The following SPEF2 variants were observed in gnomAD, a reference collection of about 807,000 sequenced individuals.
SPEF2 encodes the protein sperm flagella and cilia-associated protein 2.
SPEF2 carries 187 observed loss-of-function variants against 224.6 expected under a neutral mutation model. The ratio of observed to expected loss-of-function variants is 0.83; its 90% CI spans 0.74 to 0.94. The LOEUF is 0.94. Ranked by LOEUF, SPEF2 falls within the 40% of genes least tolerant of loss-of-function variation. SPEF2 has a pLI of 0.00. For missense variants in SPEF2, 2,170 were observed against 2,135.6 expected, an observed-to-expected ratio of 1.02 and a Z score of -0.32; for synonymous variants, 715 against 707.3, an observed-to-expected ratio of 1.01 and a Z score of -0.17.
intron 29 of SPEF2, among the ~76,000 whole-genome samples, chr5:35,778,740 A>G (rs1753939580): frequency 6.6e-6 from 1 of 152,218 alleles, no homozygotes; most frequent in South Asian, 2.1e-4. Flanking sequence ...TTTACAGAGT[A>G]TTATGCCATA....
chr5:35,721,289 T>C (rs994943711), intron 20 of SPEF2, among the ~76,000 whole-genome samples: 1 of 152,232 alleles, frequency 6.6e-6, no homozygotes, highest in Non-Finnish European at 1.5e-5. Flanking sequence ...AACTGTTTAC[T>C]AAAACACACA....
chr5:35,772,746 A>G (rs1753047334), intron 27 of SPEF2, among the ~76,000 whole-genome samples: 1 of 152,194 alleles, frequency 6.6e-6, no homozygotes, highest in African/African-American at 2.4e-5. Context: ...CTTTAATGGA[A>G]TCACTGTTGG....
intron 30 of SPEF2, chr5:35,789,833 G>T: frequency 1.4e-6 from 1 of 702,952 alleles, no homozygotes; most frequent in Non-Finnish European, 2.6e-6. Flanking sequence ...CATCCTGACT[G>T]CACATTATGA....
At chr5:35,800,651 TC>T (rs965710573) in intron 34 of SPEF2, among the ~76,000 whole-genome samples, 2 of 152,112 alleles carry the variant, frequency 1.3e-5, no homozygotes, top group South Asian at 4.2e-4. Context: ...CACCTCACCT[TC>T]CCCTTGAGAT....
At chr5:35,772,780 A>G (rs1753053131) in intron 27 of SPEF2, among the ~76,000 whole-genome samples, 1 of 152,224 alleles carries the variant, frequency 6.6e-6, no homozygotes, top group Non-Finnish European at 1.5e-5. Context: ...AATTTTACAG[A>G]TGATAAAACA....
chr5:35,708,352 G>A (rs954694113), intron 18 of SPEF2, among the ~76,000 whole-genome samples: 3 of 151,550 alleles, frequency 2.0e-5, no homozygotes, highest in Non-Finnish European at 4.4e-5. Flanking sequence ...GCCCTTTACC[G>A]TCTTTTTACA....
intron 7 of SPEF2, among the ~76,000 whole-genome samples, chr5:35,655,217 T>C (rs1748801790): frequency 6.6e-6 from 1 of 152,200 alleles, no homozygotes; most frequent in Non-Finnish European, 1.5e-5. Flanking sequence ...ATACAGATTA[T>C]TGGGCCCCAC....
chr5:35,668,818 CT>C (rs1750866742), intron 9 of SPEF2, among the ~76,000 whole-genome samples: 1 of 151,790 alleles, frequency 6.6e-6, no homozygotes, highest in African/African-American at 2.4e-5. Context: ...ATGTGGACTA[CT>C]TTAGTGGGTT....
Position 35,733,058 on chromosome 5 carries a change from C to G in SPEF2, c.3063+5235C>G, listed in dbSNP as rs572786408. ...TGTGGGTCTGGGAACATATCCCCCC[C>G]TGACAAATGGAATTTCTGTAAGCAA... On this transcript the variant is annotated intron_variant, in intron 21 of 36. Coordinates refer to ENST00000356031, the MANE Select transcript of SPEF2 (RefSeq NM_024867.4). Among the ~76,000 whole-genome samples the G allele has an allele frequency of 5.3e-5, 8 of 152,202 alleles. No individual in the cohort carries two copies. The East Asian group carries it at 1.5e-3, about 29-fold the overall frequency.
chr5:35,785,740 T>C (rs568405112), intron 30 of SPEF2, among the ~76,000 whole-genome samples: 1 of 150,630 alleles, frequency 6.6e-6, no homozygotes, highest in African/African-American at 2.5e-5. Flanking sequence ...TTTTTTTTTT[T>C]GTAGAAATGA....
chr5:35,769,055 A>G (rs1752451388), intron 26 of SPEF2, among the ~76,000 whole-genome samples: 2 of 152,180 alleles, frequency 1.3e-5, no homozygotes, highest in Admixed American at 1.3e-4. Context: ...TTTATAAGCT[A>G]GATTGCTGAA....
At chr5:35,799,870 C>G in intron 33 of SPEF2, 98 bp from the exon 34 acceptor site, 2 of 1,333,910 alleles carry the variant, frequency 1.5e-6, no homozygotes, top group Non-Finnish European at 2.1e-6. Context: ...CAGAAGGCAA[C>G]CTTATTCCAA....
At chr5:35,640,413 T>C (rs1395279732) in intron 2 of SPEF2, among the ~76,000 whole-genome samples, 1 of 152,170 alleles carries the variant, frequency 6.6e-6, no homozygotes, top group East Asian at 1.9e-4. Flanking sequence ...TAGATGCCTT[T>C]CTAGAGAATG....
At chr5:35,635,838 C>T (rs1745755899) in intron 2 of SPEF2, among the ~76,000 whole-genome samples, 1 of 152,114 alleles carries the variant, frequency 6.6e-6, no homozygotes, top group South Asian at 2.1e-4. Context: ...TGGCAGTGTG[C>T]TGCACTTTTT....
In SPEF2 at chr5:35,670,110, A is replaced by C; in HGVS notation, c.1407A>C (p.Ala469=). The C allele has an allele frequency of 6.2e-7, 1 of 1,610,872 alleles. No homozygotes were observed. Among genetic ancestry groups the C allele is most frequent in the Non-Finnish European group, 8.5e-7 (1 of 1,178,474 alleles). ...ATTGGAAGGAACTATTTTTTAATGC[A>C]AAACCCATATATGAACAAGCCTCTG... ...MHDWKELFFN[A]KPIYEQASVK... is the part of the protein sequence containing the mutation. Residue 469 remains alanine, a synonymous_variant, in exon 10 of 37, where the codon GCA becomes GCC. Transcript: ENST00000356031.
chr5:35,646,283 C>T (rs1260683096), intron 4 of SPEF2, among the ~76,000 whole-genome samples: 1 of 152,134 alleles, frequency 6.6e-6, no homozygotes, highest in East Asian at 1.9e-4. Flanking sequence ...AGAATTTTCT[C>T]ATTGAACCAT....
chr5:35,713,353 C>A (rs1741591076), intron 20 of SPEF2, among the ~76,000 whole-genome samples: 1 of 151,996 alleles, frequency 6.6e-6, no homozygotes, highest in South Asian at 2.1e-4. Context: ...TAATTTTTGC[C>A]ATCTATTTTT....
chr5:35,759,716 T>C lies in SPEF2; in HGVS notation c.3617T>C (p.Leu1206Pro), dbSNP rs1750954143. The change falls in exon 25 of 37, where the codon CTT becomes CCT. Residue 1206 changes from leucine (L) to proline (P), a missense_variant. Physicochemically the swap from Leu to Pro is moderately conservative, Grantham distance 98. Transcript: ENST00000356031. ...AGTAAAGACAATTCTGAAAGCCAGCTTAGGTAAGGCAGGCTATTATATCAC... is the reference window on the plus strand; with the variant it reads ...AGTAAAGACAATTCTGAAAGCCAGCCTAGGTAAGGCAGGCTATTATATCAC... ...LDSKDNSESQ[L>P]RIPLVPRISI... 1.3e-6 allele frequency: 2 copies of C among 1,575,982 alleles called. No homozygotes were observed. Among genetic ancestry groups the C allele is most frequent in the Non-Finnish European group, 1.7e-6 (2 of 1,153,944 alleles).
chr5:35,688,699 T>C (rs1345760834), intron 10 of SPEF2, among the ~76,000 whole-genome samples: 2 of 152,160 alleles, frequency 1.3e-5, no homozygotes, highest in African/African-American at 2.4e-5. Flanking sequence ...TTACCATTAC[T>C]CTTTATTATG....
Sources: gnomAD v4.1 joint callset for allele counts (sites outside exome capture counted in the v4.1 genomes callset) on GRCh38, gnomAD v4.1.1 for gene constraint, MANE v1.5 for transcripts, NCBI Gene and HGNC (gene_info 2026-07-23, HGNC 2026-07-21) for gene names.